The following ANO2 variants were observed in gnomAD, a reference collection of about 807,000 sequenced individuals.
The protein encoded by ANO2 is anoctamin 2.
ANO2 carries 101 observed loss-of-function variants against 124.2 expected under a neutral mutation model. That is an observed-to-expected ratio of 0.81 (90% CI 0.69 to 0.96). The LOEUF (loss-of-function observed/expected upper bound fraction) is 0.96, where lower values mean the gene tolerates loss of function less well. ANO2 is among the 40% of genes least tolerant of loss of function. ANO2 has a pLI of 0.00. For synonymous variants in ANO2, 486 were observed against 482.5 expected, an observed-to-expected ratio of 1.01 and a Z score of -0.09; for missense variants, 1,293 against 1,274.5, an observed-to-expected ratio of 1.01 and a Z score of -0.22.
At chr12:5,755,938 G>A (rs560660721) in intron 10 of ANO2, among the ~76,000 whole-genome samples, 2 of 152,164 alleles carry the variant, frequency 1.3e-5, no homozygotes, top group South Asian at 2.1e-4. Flanking sequence ...CCCTTAATAA[G>A]CTTTCTTCCT....
intron 14 of ANO2, among the ~76,000 whole-genome samples, chr12:5,653,216 G>A (rs550746462): frequency 2.0e-5 from 3 of 152,260 alleles, no homozygotes; most frequent in South Asian, 2.1e-4. Context: ...CCTTGCCATC[G>A]TCACTGGCCA....
In ANO2 at chr12:5,799,584, A is replaced by G; in HGVS notation, c.991-13T>C. On this transcript the variant is annotated splice_polypyrimidine_tract_variant and intron_variant, in intron 9 of 24. Transcript: ENST00000682330. Reference sequence around the variant, plus strand: ...CTTGATATAGCAGCTAAACAAAGAAAATAAGGAAACAGGTTAGAGGTAGAG... The same window carrying G: ...CTTGATATAGCAGCTAAACAAAGAAGATAAGGAAACAGGTTAGAGGTAGAG... The G allele has an allele frequency of 6.2e-7, 1 of 1,613,166 alleles. No individual in the cohort carries two copies. The highest frequency in any genetic ancestry group is 8.5e-7 in the Non-Finnish European group (1 of 1,179,276).
intron 10 of ANO2, among the ~76,000 whole-genome samples, chr12:5,792,805 G>C (rs1380169127): frequency 6.6e-6 from 1 of 152,190 alleles, no homozygotes; most frequent in Non-Finnish European, 1.5e-5. Flanking sequence ...TGCAAGCATG[G>C]AGATTCCACT....
chr12:5,799,360 C>T (rs1001374374), intron 10 of ANO2, 147 bp downstream of exon 10: 356 of 707,534 alleles, frequency 5.0e-4, no homozygotes, highest in Middle Eastern at 2.9e-3. Context: ...CTTCCCCACC[C>T]ATGAGACACA....
intron 10 of ANO2, among the ~76,000 whole-genome samples, chr12:5,760,566 G>A (rs2137106429): frequency 6.6e-6 from 1 of 152,086 alleles, no homozygotes; most frequent in South Asian, 2.1e-4. Flanking sequence ...TAGCTTTTAG[G>A]GGTTTCCTTA....
chr12:5,814,591 T>A (rs2137188228), intron 7 of ANO2, among the ~76,000 whole-genome samples: 1 of 152,378 alleles, frequency 6.6e-6, no homozygotes, highest in East Asian at 1.9e-4. Flanking sequence ...TGTATTTACT[T>A]CTTGGTTTAT....
intron 20 of ANO2, among the ~76,000 whole-genome samples, chr12:5,584,598 G>A (rs1271431671): frequency 6.6e-6 from 1 of 152,156 alleles, no homozygotes; most frequent in Non-Finnish European, 1.5e-5. Flanking sequence ...AGCACAGCAG[G>A]GGAAGGTCAT....
In ANO2 at chr12:5,765,640, T is replaced by C. The variant is rs372909192; in HGVS notation, c.1056-14670A>G. Among the ~76,000 whole-genome samples the C allele has an allele frequency of 1.4e-4, 21 of 152,344 alleles. 1 individual carries two copies. In the South Asian group the frequency reaches 2.1e-3, roughly 15 times the overall value. The stretch of plus-strand genomic sequence containing the variant: ...TTTTTCCCATTTAAAACCACGTTAA[T>C]GTGAAAATTGAATGAGCAAGGTATA... On this transcript the variant is annotated intron_variant, in intron 10 of 24. Coordinates refer to ENST00000682330, the MANE Select transcript of ANO2 (RefSeq NM_001364791.2).
chr12:5,830,328 G>A, intron 6 of ANO2, 107 bp downstream of exon 6: 2 of 1,189,260 alleles, frequency 1.7e-6, no homozygotes, highest in Admixed American at 4.4e-5. Context: ...GCAACTCCAA[G>A]CAAATAACGG....
At chr12:5,603,771 C>T (rs1057010863) in intron 19 of ANO2, among the ~76,000 whole-genome samples, 7 of 151,902 alleles carry the variant, frequency 4.6e-5, no homozygotes, top group African/African-American at 1.7e-4. Context: ...CGGTGAAACC[C>T]CGCCTCTACT....
intron 14 of ANO2, among the ~76,000 whole-genome samples, chr12:5,685,851 C>T (rs538632641): frequency 1.3e-5 from 2 of 152,310 alleles, no homozygotes; most frequent in South Asian, 2.1e-4. Context: ...CTGCCTGGCT[C>T]GTCCAACAGA....
intron 14 of ANO2, among the ~76,000 whole-genome samples, chr12:5,649,540 G>C (rs1946810022): frequency 6.6e-6 from 1 of 152,116 alleles, no homozygotes; most frequent in African/African-American, 2.4e-5. Flanking sequence ...AGGGAGTAGA[G>C]CTTCTTTCAT....
intron 14 of ANO2, among the ~76,000 whole-genome samples, chr12:5,722,789 T>C (rs1000015289): frequency 1.3e-5 from 2 of 152,094 alleles, no homozygotes; most frequent in African/African-American, 4.8e-5. Flanking sequence ...AATTTATACG[T>C]GAATAAAAAT....
intron 11 of ANO2, among the ~76,000 whole-genome samples, chr12:5,745,659 T>A (rs2137084749): frequency 6.6e-6 from 1 of 152,274 alleles, no homozygotes; most frequent in African/African-American, 2.4e-5. Flanking sequence ...AGGCTTCTGT[T>A]TTTAATGAGC....
chr12:5,608,873 A>C (rs373082798), intron 19 of ANO2: 1 of 152,230 alleles, frequency 6.6e-6, no homozygotes, highest in African/African-American at 2.4e-5. Context: ...TTCTGGGTCC[A>C]GAGAGAATGG....
intron 1 of ANO2, among the ~76,000 whole-genome samples, chr12:5,924,970 A>C (rs1350292076): frequency 6.6e-6 from 1 of 152,136 alleles, no homozygotes; most frequent in Non-Finnish European, 1.5e-5. Context: ...GGCTCTAAAA[A>C]AGGGGCTTCC....
intron 1 of ANO2, among the ~76,000 whole-genome samples, chr12:5,940,599 A>G (rs1942856111): frequency 6.6e-6 from 1 of 152,220 alleles, no homozygotes; most frequent in African/African-American, 2.4e-5. Context: ...GAGGATGGCT[A>G]TAATAAAAAG....
chr12:5,688,282 G>A (rs1948785854), intron 14 of ANO2, among the ~76,000 whole-genome samples: 1 of 152,200 alleles, frequency 6.6e-6, no homozygotes, highest in African/African-American at 2.4e-5. Context: ...GCAAAGGGAA[G>A]GAAGCCTGGC....
chr12:5,911,649 T>C (rs181223041), intron 3 of ANO2, among the ~76,000 whole-genome samples: 219 of 152,236 alleles, frequency 1.4e-3, no homozygotes, highest in South Asian at 7.3e-3. Context: ...GGAATACCAG[T>C]CAGATAGGGA....
Sources: allele counts gnomAD v4.1 joint callset (sites outside exome capture counted in the v4.1 genomes callset), GRCh38; gene constraint gnomAD v4.1.1; transcripts MANE v1.5; gene names NCBI Gene and HGNC (gene_info 2026-07-23, HGNC 2026-07-21).